The following RNF130 variants were observed in gnomAD, a reference collection of about 807,000 sequenced individuals.
RNF130 encodes the protein E3 ubiquitin-protein ligase RNF130.
Under a neutral mutation model 44.6 loss-of-function variants are expected in RNF130, and 21 were observed. The ratio of observed to expected loss-of-function variants is 0.47; its 90% CI spans 0.33 to 0.68. The LOEUF (loss-of-function observed/expected upper bound fraction) is 0.68. RNF130 is among the 30% of genes least tolerant of loss of function. RNF130 has a pLI of 0.02. For missense variants in RNF130, 479 were observed against 560.6 expected, an observed-to-expected ratio of 0.85 and a Z score of 1.47; for synonymous variants, 214 against 210.4, an observed-to-expected ratio of 1.02 and a Z score of -0.15.
intron 3 of RNF130, among the ~76,000 whole-genome samples, chr5:180,005,207 C>G (rs1042931510): frequency 6.6e-6 from 1 of 152,112 alleles, no homozygotes; most frequent in Admixed American, 6.5e-5. Context: ...GCGGGTGGAT[C>G]ACCTATGGTC....
intron 3 of RNF130, among the ~76,000 whole-genome samples, chr5:180,007,819 T>C (rs1304294482): frequency 1.3e-5 from 2 of 152,110 alleles, no homozygotes; most frequent in African/African-American, 2.4e-5. Context: ...TATCTTCCAA[T>C]AGCAGGCTCC....
chr5:180,065,727 T>C (rs545577876), intron 1 of RNF130, among the ~76,000 whole-genome samples: 2 of 151,218 alleles, frequency 1.3e-5, no homozygotes, highest in East Asian at 3.9e-4. Flanking sequence ...GCCACTGCAT[T>C]CTAGCCTGGG....
intron 2 of RNF130, among the ~76,000 whole-genome samples, chr5:180,022,279 A>G (rs1425644057): frequency 6.6e-6 from 1 of 152,142 alleles, no homozygotes; most frequent in Non-Finnish European, 1.5e-5. Context: ...TAAATATTCC[A>G]TCCTCATGAA....
At position 180,040,492 on chromosome 5, in the gene RNF130, T is replaced by C. The variant is rs769844213; in HGVS notation, c.403A>G (p.Asn135Asp). The C allele has an allele frequency of 6.2e-7, 1 of 1,614,034 alleles. No individual in the cohort carries two copies. Among genetic ancestry groups the C allele is most frequent in the Admixed American group, 1.7e-5 (1 of 60,010 alleles). The change falls in exon 2 of 9, where the codon AAT becomes GAT. Residue 135 changes from asparagine (N) to aspartate (D), a missense_variant. Asn to Asp is a conservative substitution (Grantham distance 23). Transcript: ENST00000521389. ...HNAVAVVIYN[N>D]KSKEEPVTMT... ...GTAACTGGCTCCTCTTTGGATTTAT[T>C]ATTGTAGATGACTACAGCAACTGCA... is the stretch of plus-strand genomic sequence containing the variant.
At chr5:179,957,305 G>A (rs763441003) in intron 8 of RNF130, among the ~76,000 whole-genome samples, 21 of 152,084 alleles carry the variant, frequency 1.4e-4, no homozygotes, top group African/African-American at 4.1e-4. Flanking sequence ...CCAGCTACTC[G>A]GGAAGCTGAG....
Position 179,964,649 on chromosome 5 carries a change from T to C in RNF130, c.1151-1085A>G, listed in dbSNP as rs533186334. Among the ~76,000 whole-genome samples the C allele has an allele frequency of 4.6e-5, 7 of 152,340 alleles. No homozygotes were observed. In the East Asian group the frequency reaches 9.7e-4, roughly 21 times the overall value. The stretch of plus-strand genomic sequence containing the variant: ...CCCTGCATGCAGAATTGTGTGTGCA[T>C]AGGCATTTTTCTAGAAAAACATACT... On this transcript the variant is annotated intron_variant, in intron 7 of 8. Coordinates refer to ENST00000521389, the MANE Select transcript of RNF130 (RefSeq NM_018434.6).
At chr5:179,994,123 C>T (rs1035765551) in intron 3 of RNF130, among the ~76,000 whole-genome samples, 1 of 152,198 alleles carries the variant, frequency 6.6e-6, no homozygotes. Context: ...GTTCTGGTTA[C>T]TGTAGCCTTG....
At chr5:179,990,959 T>C (rs1254053227) in intron 3 of RNF130, among the ~76,000 whole-genome samples, 1 of 152,258 alleles carries the variant, frequency 6.6e-6, no homozygotes, top group Non-Finnish European at 1.5e-5. Context: ...TATTTTATAA[T>C]ATTGGAATAG....
chr5:179,932,267 C>T (rs1761819998), intron 7 of RNF130, among the ~76,000 whole-genome samples: 1 of 151,974 alleles, frequency 6.6e-6, no homozygotes, highest in Non-Finnish European at 1.5e-5. Flanking sequence ...ATACAAATGT[C>T]TTTTATTTGA....
exon 8 of RNF130, chr5:179,915,646 C>G (rs764148161): frequency 6.6e-6 from 1 of 152,262 alleles, no homozygotes; most frequent in Admixed American, 6.6e-5. Flanking sequence ...GCCCCTCAGG[C>G]GGGACTGGCA....
rs192074766 is a variant in RNF130, at chr5:180,008,838, C to G, written c.693+4223G>C. Among the ~76,000 whole-genome samples the G allele has an allele frequency of 3.0e-3, 448 of 151,646 alleles. 4 individuals are homozygous for G. The highest frequency in any genetic ancestry group is 0.014 in the Middle Eastern group (4 of 294). Reference sequence around the variant, plus strand: ...GGTGGAGGTTGCAGTGAGCTGAGATCGTATCACTGCACTCCAGCCTGGGTG... The same window carrying G: ...GGTGGAGGTTGCAGTGAGCTGAGATGGTATCACTGCACTCCAGCCTGGGTG... On this transcript the variant is annotated intron_variant, in intron 3 of 8. Transcript: ENST00000521389.
chr5:180,058,534 G>C (rs752111234), intron 1 of RNF130, among the ~76,000 whole-genome samples: 69 of 152,230 alleles, frequency 4.5e-4, no homozygotes, highest in Non-Finnish European at 8.1e-4. Flanking sequence ...GGGTAATGGA[G>C]TCTTGTCATT....
At chr5:180,049,408 T>C (rs932437154) in intron 1 of RNF130, among the ~76,000 whole-genome samples, 5 of 152,192 alleles carry the variant, frequency 3.3e-5, no homozygotes, top group Non-Finnish European at 5.9e-5. Flanking sequence ...AACTGAAATC[T>C]AGCATTTTAT....
intron 2 of RNF130, among the ~76,000 whole-genome samples, chr5:180,014,143 T>C (rs973829854): frequency 1.3e-5 from 2 of 152,224 alleles, no homozygotes; most frequent in East Asian, 3.8e-4. Context: ...GCTATGCAAG[T>C]TAATTACGAG....
chr5:180,066,733 AG>A (rs892456183), intron 1 of RNF130, among the ~76,000 whole-genome samples: 1 of 152,128 alleles, frequency 6.6e-6, no homozygotes, highest in African/African-American at 2.4e-5. Context: ...GCTACTAGGG[AG>A]GCTGAGGCAG....
intron 5 of RNF130, among the ~76,000 whole-genome samples, chr5:179,973,971 G>A (rs1418609479): frequency 2.0e-5 from 3 of 152,084 alleles, no homozygotes; most frequent in East Asian, 1.9e-4. Context: ...GAAATTCAGC[G>A]CCCTCCCCTT....
chr5:179,973,819 G>A (rs753098679), intron 5 of RNF130, among the ~76,000 whole-genome samples: 14 of 152,142 alleles, frequency 9.2e-5, no homozygotes, highest in Admixed American at 2.0e-4. Flanking sequence ...GCATCGGGAC[G>A]GAAAGCAGGT....
chr5:179,955,580 T>G lies in RNF130; in HGVS notation c.*74A>C, dbSNP rs1762193941. 2 of 1,270,202 alleles carry G rather than the reference T, an allele frequency of 1.6e-6. No homozygotes were observed. The highest frequency in any genetic ancestry group is 2.2e-6 in the Non-Finnish European group (2 of 902,890). The allele number at this position is 1,270,202 out of a possible 1,614,324, so 78.7% of individuals were successfully genotyped here. On this transcript the variant is annotated 3_prime_UTR_variant, in exon 9 of 9. Coordinates refer to ENST00000521389, the MANE Select transcript of RNF130 (RefSeq NM_018434.6). ...AAAATAAATGCTTGTGTGGCATGAT[T>G]GGTAAATGATGCACAAAAATAGGTT...
At chr5:179,916,014 G>A (rs1761539503) in exon 8 of RNF130, 1 of 152,172 alleles carries the variant, frequency 6.6e-6, no homozygotes, top group South Asian at 2.1e-4. Context: ...CTTAATAAAA[G>A]TTTGCTGGCG....
Sources: allele counts gnomAD v4.1 joint callset (sites outside exome capture counted in the v4.1 genomes callset), GRCh38; gene constraint gnomAD v4.1.1; transcripts MANE v1.5; gene names NCBI Gene and HGNC (gene_info 2026-07-23, HGNC 2026-07-21).